The following CHMP4C variants were observed in gnomAD, a reference collection of about 807,000 sequenced individuals.
The protein encoded by CHMP4C is charged multivesicular body protein 4C.
In CHMP4C, 28 loss-of-function variants were observed where a neutral mutation model predicts 29.0. That is an observed-to-expected ratio of 0.97 (90% CI 0.72 to 1.32). The LOEUF is 1.32. Among genes scored for constraint, CHMP4C ranks in the 40% most tolerant of loss-of-function variants. The pLI is 0.00. For synonymous variants in CHMP4C, 106 were observed against 102.4 expected, an observed-to-expected ratio of 1.04 and a Z score of -0.21; for missense variants, 291 against 281.0, an observed-to-expected ratio of 1.04 and a Z score of -0.25.
chr8:81,739,234 C>T (rs1436827835), intron 1 of CHMP4C, among the ~76,000 whole-genome samples: 2 of 151,208 alleles, frequency 1.3e-5, no homozygotes, highest in Non-Finnish European at 1.5e-5. Context: ...GTAGCTGGGA[C>T]TACAGGTGTG....
At chr8:81,749,613 T>G (rs1031142055) in intron 1 of CHMP4C, among the ~76,000 whole-genome samples, 4 of 152,222 alleles carry the variant, frequency 2.6e-5, no homozygotes, top group Non-Finnish European at 5.9e-5. Context: ...TCTGAAGCTC[T>G]AGACCTACGT....
intron 1 of CHMP4C, among the ~76,000 whole-genome samples, chr8:81,736,703 C>T (rs1450525640): frequency 6.6e-6 from 1 of 152,168 alleles, no homozygotes; most frequent in Non-Finnish European, 1.5e-5. Flanking sequence ...TTGCTGTCTT[C>T]CTCAGTGAGC....
At chr8:81,737,920 T>C (rs1403211485) in intron 1 of CHMP4C, among the ~76,000 whole-genome samples, 1 of 152,248 alleles carries the variant, frequency 6.6e-6, no homozygotes, top group Non-Finnish European at 1.5e-5. Flanking sequence ...ATCTGTCCTC[T>C]GAAGGCCTTT....
chr8:81,758,275 C>T lies in CHMP4C; in HGVS notation c.617C>T (p.Thr206Ile). 2 of 1,614,030 alleles carry T rather than the reference C, an allele frequency of 1.2e-6. No individual in the cohort carries two copies. The highest frequency in any genetic ancestry group is 1.7e-6 in the Non-Finnish European group (2 of 1,179,948). Reference sequence around the variant, plus strand: ...AATAGAAAACCAGGCATGTCGTCCACTGCACGTCGATCCCGAGCAGGTCTG... The same window carrying T: ...AATAGAAAACCAGGCATGTCGTCCATTGCACGTCGATCCCGAGCAGGTCTG... ...QPNRKPGMSS[T>I]ARRSRAASSQ... The change falls in exon 4 of 5, where the codon ACT (threonine) becomes ATT (isoleucine). Residue 206 changes from threonine (T) to isoleucine (I), a missense_variant. Coordinates refer to ENST00000297265, the MANE Select transcript of CHMP4C (RefSeq NM_152284.4).
At chr8:81,739,304 T>C (rs1031419989) in intron 1 of CHMP4C, among the ~76,000 whole-genome samples, 1 of 149,778 alleles carries the variant, frequency 6.7e-6, no homozygotes, top group Non-Finnish European at 1.5e-5. Flanking sequence ...TCACCCTGTG[T>C]CAGACTTATC....
chr8:81,745,438 A>G (rs1808810572), intron 1 of CHMP4C, among the ~76,000 whole-genome samples: 1 of 152,214 alleles, frequency 6.6e-6, no homozygotes, highest in Non-Finnish European at 1.5e-5. Flanking sequence ...CAATGTGCAC[A>G]TTTATCCACC....
intron 1 of CHMP4C, among the ~76,000 whole-genome samples, chr8:81,733,527 A>T (rs907154768): frequency 1.3e-4 from 17 of 135,292 alleles, no homozygotes; most frequent in African/African-American, 4.8e-4. Context: ...TTGAAGTCTT[A>T]AAAAAAAAAA....
intron 1 of CHMP4C, among the ~76,000 whole-genome samples, chr8:81,746,881 G>A (rs1808831139): frequency 6.6e-6 from 1 of 152,196 alleles, no homozygotes; most frequent in African/African-American, 2.4e-5. Context: ...CAAAGGAAAT[G>A]ATGATGATAA....
intron 1 of CHMP4C, among the ~76,000 whole-genome samples, chr8:81,739,717 G>C (rs1231406648): frequency 6.6e-6 from 1 of 152,206 alleles, no homozygotes; most frequent in Non-Finnish European, 1.5e-5. Context: ...CTGAGCCATT[G>C]CAAGGATCCA....
rs1165460349 is a variant in CHMP4C, at chr8:81,758,259, C to T, written c.601C>T (p.Pro201Ser). The T allele has an allele frequency of 2.5e-6, 4 of 1,613,882 alleles. No individual in the cohort carries two copies. Among genetic ancestry groups the T allele is most frequent in the Non-Finnish European group, 3.4e-6 (4 of 1,179,946 alleles). Reference sequence around the variant, plus strand: ...TCTCCCAGCACAGCCAAATAGAAAACCAGGCATGTCGTCCACTGCACGTCG... The same window carrying T: ...TCTCCCAGCACAGCCAAATAGAAAATCAGGCATGTCGTCCACTGCACGTCG... Reference protein sequence around the residue: ...SSLPAQPNRKPGMSSTARRSR... With the variant: ...SSLPAQPNRKSGMSSTARRSR... Residue 201 changes from proline (P) to serine (S), a missense_variant, in exon 4 of 5, where the codon CCA becomes TCA. Pro to Ser is a moderately conservative substitution (Grantham distance 74). Transcript: ENST00000297265.
At chr8:81,748,309 C>G (rs1164042724) in intron 1 of CHMP4C, among the ~76,000 whole-genome samples, 1 of 152,156 alleles carries the variant, frequency 6.6e-6, no homozygotes, top group African/African-American at 2.4e-5. Flanking sequence ...GCAAATATCA[C>G]ATAGTCCTGA....
chr8:81,734,821 G>A (rs915366225), intron 1 of CHMP4C, among the ~76,000 whole-genome samples: 1 of 151,906 alleles, frequency 6.6e-6, no homozygotes, highest in Non-Finnish European at 1.5e-5. Context: ...AAAATTTAAA[G>A]ACAGTGCTAA....
At chr8:81,733,096 T>C (rs1382269151) in intron 1 of CHMP4C, among the ~76,000 whole-genome samples, 1 of 152,144 alleles carries the variant, frequency 6.6e-6, no homozygotes, top group Non-Finnish European at 1.5e-5. Flanking sequence ...AAAAAAGAAA[T>C]GATGAAGAAA....
intron 1 of CHMP4C, among the ~76,000 whole-genome samples, chr8:81,739,420 G>C (rs1389947517): frequency 7.4e-6 from 1 of 135,052 alleles, no homozygotes; most frequent in Admixed American, 7.1e-5. Flanking sequence ...GGGGATTGTG[G>C]GGGGGGGTGG....
chr8:81,756,107 C>T lies in CHMP4C; in HGVS notation c.483+623C>T, dbSNP rs573564475. Among the ~76,000 whole-genome samples the T allele has an allele frequency of 2.0e-5, 3 of 152,318 alleles. No individual in the cohort carries two copies. The South Asian group carries it at 6.2e-4, about 32-fold the overall frequency. On this transcript the variant is annotated intron_variant, in intron 3 of 4. Transcript: ENST00000297265. ...TTAGCATGGCAAAGAATCCAACTTC[C>T]TGCATCTATGTGATATTAAAAATAA...
At chr8:81,753,619 G>T (rs745524287) in intron 2 of CHMP4C, among the ~76,000 whole-genome samples, 6 of 152,200 alleles carry the variant, frequency 3.9e-5, no homozygotes, top group African/African-American at 7.2e-5. Context: ...TAAATAAAGA[G>T]AACACAGATG....
Position 81,755,372 on chromosome 8 carries a change from A to T in CHMP4C, c.371A>T (p.Asp124Val), listed in dbSNP as rs759070538. ...TTCAACAAAATATGATTTCCCAGGG[A>T]TCTGAACAAAATAGATGATTTGATG... ...KAMKSVHENM[D>V]LNKIDDLMQE... The change falls in exon 3 of 5, where the codon GAT becomes GTT. Residue 124 changes from aspartate to valine, a missense_variant and splice_region_variant. Coordinates refer to ENST00000297265, the MANE Select transcript of CHMP4C (RefSeq NM_152284.4). 2 of 1,571,846 alleles carry T rather than the reference A, an allele frequency of 1.3e-6. No homozygotes were observed. Among genetic ancestry groups the T allele is most frequent in the Non-Finnish European group, 1.7e-6 (2 of 1,147,046 alleles).
At chr8:81,741,091 A>G (rs1808757200) in intron 1 of CHMP4C, among the ~76,000 whole-genome samples, 1 of 152,168 alleles carries the variant, frequency 6.6e-6, no homozygotes, top group Admixed American at 6.5e-5. Context: ...TGTGTGACAC[A>G]GTTTGCTGAT....
intron 1 of CHMP4C, among the ~76,000 whole-genome samples, chr8:81,750,340 C>T (rs113538624): frequency 4.6e-5 from 7 of 151,954 alleles, no homozygotes; most frequent in South Asian, 4.2e-4. Flanking sequence ...TGGCTCACAC[C>T]GGCAATCTCA....
Sources: allele counts gnomAD v4.1 joint callset (sites outside exome capture counted in the v4.1 genomes callset), GRCh38; gene constraint gnomAD v4.1.1; transcripts MANE v1.5; gene names NCBI Gene and HGNC (gene_info 2026-07-23, HGNC 2026-07-21).